Variants in RIMKLB observed in about 807,000 individuals in gnomAD.
RIMKLB encodes the protein beta-citrylglutamate synthase B.
A neutral mutation model predicts 32.0 loss-of-function variants in RIMKLB; 7 were observed. That is an observed-to-expected ratio of 0.22 (90% CI 0.12 to 0.41). The LOEUF (loss-of-function observed/expected upper bound fraction) is 0.41. Among genes scored for constraint, RIMKLB ranks in the 10% least tolerant of loss-of-function variants. The probability of loss-of-function intolerance (pLI) is 1.00; values close to 1 mark genes in which losing one functional copy is unlikely to be tolerated. For missense variants in RIMKLB, 289 were observed against 498.7 expected (o/e 0.58, Z 4.00); for synonymous variants, 172 against 185.1 (o/e 0.93, Z 0.57).
At chr12:8,770,810 C>T (rs147909602) in intron 5 of RIMKLB, among the ~76,000 whole-genome samples, 1 of 152,288 alleles carries the variant, frequency 6.6e-6, no homozygotes, top group African/African-American at 2.4e-5. Context: ...TCCCACCTCA[C>T]CCCCTTCAGA....
At chr12:8,678,409 C>T (rs1942357264), upstream of RIMKLB, among the ~76,000 whole-genome samples, 1 of 151,980 alleles carries the variant, frequency 6.6e-6, no homozygotes, top group Non-Finnish European at 1.5e-5. Context: ...TGGCTCACCG[C>T]ATCCTCCGCC....
chr12:8,762,846 A>G (rs1949642143), intron 5 of RIMKLB, among the ~76,000 whole-genome samples: 1 of 152,128 alleles, frequency 6.6e-6, no homozygotes, highest in Non-Finnish European at 1.5e-5. Context: ...TCAGTATACA[A>G]GTTGAGGTCG....
Position 8,774,639 on chromosome 12 carries a change from G to A in RIMKLB, c.*855G>A. On this transcript the variant is annotated 3_prime_UTR_variant, in exon 6 of 6. Coordinates refer to ENST00000535829, the MANE Select transcript of RIMKLB (RefSeq NM_001297776.2). ...GCTCTATGCCTGCATCTTTAACAAT[G>A]GCCAAAGTGAAGAAAATGCTACCTT... is the stretch of plus-strand genomic sequence containing the variant. 1.0e-6 allele frequency: 1 copy of A among 983,414 alleles called. No individual in the cohort carries two copies. The highest frequency in any genetic ancestry group is 1.2e-6 in the Non-Finnish European group (1 of 829,352). The allele number at this position is 983,414 out of a possible 1,614,324, so 60.9% of individuals were successfully genotyped here. A position where few individuals can be genotyped will look rare whatever the true frequency, so the allele number is the denominator to read the frequency against.
intron 1 of RIMKLB, chr12:8,699,764 G>C (rs747252683): frequency 6.6e-6 from 1 of 151,722 alleles, no homozygotes; most frequent in African/African-American, 2.4e-5. Flanking sequence ...TTTCTCTCTT[G>C]TCTTCTCTTA....
intron 5 of RIMKLB, among the ~76,000 whole-genome samples, chr12:8,770,298 AACAG>A (rs1335111790): frequency 6.6e-6 from 1 of 152,222 alleles, no homozygotes; most frequent in African/African-American, 2.4e-5. Context: ...TAGTGAACAA[AACAG>A]ACAGAAATCC....
At chr12:8,740,815 A>G (rs1200788905) in intron 2 of RIMKLB, among the ~76,000 whole-genome samples, 1 of 152,206 alleles carries the variant, frequency 6.6e-6, no homozygotes, top group Non-Finnish European at 1.5e-5. Flanking sequence ...GCTCATGCCC[A>G]TAATCCCAGC....
intron 2 of RIMKLB, among the ~76,000 whole-genome samples, chr12:8,748,508 G>T (rs938889017): frequency 6.9e-6 from 1 of 145,874 alleles, no homozygotes; most frequent in African/African-American, 2.5e-5. Context: ...CACAGACAAG[G>T]TGGGATTATT....
Position 8,775,379 on chromosome 12 carries a change from G to T in RIMKLB, c.*1595G>T, listed in dbSNP as rs1950670654. 5 of 985,226 alleles carry T rather than the reference G, an allele frequency of 5.1e-6. No individual in the cohort carries two copies. The South Asian group carries it at 2.3e-4, about 46-fold the overall frequency. The allele number at this position is 985,226 out of a possible 1,614,324, so 61.0% of individuals were successfully genotyped here. A position where few individuals can be genotyped will look rare whatever the true frequency, so the allele number is the denominator to read the frequency against. Reference sequence around the variant, plus strand: ...CATATAATATGAGCCTTTAAAACATGGGTAAAACTAATCCCATTGATGGGT... The same window carrying T: ...CATATAATATGAGCCTTTAAAACATTGGTAAAACTAATCCCATTGATGGGT... On this transcript the variant is annotated 3_prime_UTR_variant, in exon 6 of 6. Coordinates refer to ENST00000535829, the MANE Select transcript of RIMKLB (RefSeq NM_001297776.2).
At chr12:8,732,052 G>A (rs1432358975) in intron 2 of RIMKLB, among the ~76,000 whole-genome samples, 1 of 151,698 alleles carries the variant, frequency 6.6e-6, no homozygotes, top group Admixed American at 6.6e-5. Flanking sequence ...TAGTAACTTT[G>A]GTTGCTTCTG....
intron 1 of RIMKLB, among the ~76,000 whole-genome samples, chr12:8,706,761 G>A (rs1487949953): frequency 6.6e-6 from 1 of 151,772 alleles, no homozygotes. Flanking sequence ...TCCTTTTTTT[G>A]TTTTAAAAAA....
chr12:8,766,233 C>A (rs1419684862), intron 5 of RIMKLB, among the ~76,000 whole-genome samples: 1 of 152,188 alleles, frequency 6.6e-6, no homozygotes, highest in Non-Finnish European at 1.5e-5. Context: ...CACCCATGGA[C>A]TTCTGCTTAT....
chr12:8,686,041 T>G (rs1396839039), intron 1 of RIMKLB, among the ~76,000 whole-genome samples: 3 of 152,066 alleles, frequency 2.0e-5, no homozygotes, highest in African/African-American at 4.8e-5. Flanking sequence ...CTCTTGACCT[T>G]GTGATCCGCC....
chr12:8,731,619 A>G (rs997359376), intron 2 of RIMKLB, among the ~76,000 whole-genome samples: 9 of 152,028 alleles, frequency 5.9e-5, no homozygotes, highest in Non-Finnish European at 8.8e-5. Context: ...TTATTCTTCA[A>G]TGATAGTTTC....
At chr12:8,719,955 G>A (rs751670322) in intron 2 of RIMKLB, among the ~76,000 whole-genome samples, 1 of 152,326 alleles carries the variant, frequency 6.6e-6, no homozygotes, top group Non-Finnish European at 1.5e-5. Flanking sequence ...GCCTGGTTGT[G>A]AGTAGAGATA....
At chr12:8,782,912 G>C (rs1010840706) in exon 8 of RIMKLB, 3 of 152,004 alleles carry the variant, frequency 2.0e-5, no homozygotes, top group South Asian at 2.1e-4. Flanking sequence ...TCCCCCCTAG[G>C]TTCTTTTGAA....
intron 2 of RIMKLB, among the ~76,000 whole-genome samples, chr12:8,747,369 C>CA (rs1948195107): frequency 6.6e-6 from 1 of 152,152 alleles, no homozygotes. Flanking sequence ...CTCTGCCTTA[C>CA]ATTTGAATTG....
chr12:8,703,201 G>A (rs555249375), intron 1 of RIMKLB, among the ~76,000 whole-genome samples: 4 of 152,092 alleles, frequency 2.6e-5, no homozygotes, highest in Non-Finnish European at 4.4e-5. Context: ...CAGGAGAATT[G>A]CTTGAACCCA....
chr12:8,781,236 G>A (rs182651574), downstream of RIMKLB, among the ~76,000 whole-genome samples: 327 of 152,332 alleles, frequency 2.1e-3, 1 homozygote, highest in Middle Eastern at 3.4e-3. Context: ...AGCTACGCGG[G>A]AGGCTGAGGC....
chr12:8,713,267 T>C (rs1033498291), intron 1 of RIMKLB, among the ~76,000 whole-genome samples: 3 of 152,294 alleles, frequency 2.0e-5, no homozygotes, highest in Non-Finnish European at 2.9e-5. Context: ...GACTTCATCA[T>C]TGAAGCTTAC....
Sources: gnomAD v4.1 joint callset for allele counts (sites outside exome capture counted in the v4.1 genomes callset) on GRCh38, gnomAD v4.1.1 for gene constraint, MANE v1.5 for transcripts, NCBI Gene and HGNC (gene_info 2026-07-23, HGNC 2026-07-21) for gene names.